Variants in LRRIQ1 observed in about 807,000 individuals in gnomAD.
The protein encoded by LRRIQ1 is leucine-rich repeat- and IQ domain-containing protein 1.
LRRIQ1 carries 210 observed loss-of-function variants against 211.9 expected under a neutral mutation model. That is an observed-to-expected ratio of 0.99 (90% CI 0.89 to 1.11). The LOEUF (loss-of-function observed/expected upper bound fraction) is 1.11. LRRIQ1 is among the 50% of genes most tolerant of loss of function. The probability of loss-of-function intolerance (pLI) is 0.00; values close to 1 mark genes in which losing one functional copy is unlikely to be tolerated. For synonymous variants in LRRIQ1, 699 were observed against 650.1 expected, an observed-to-expected ratio of 1.08 and a Z score of -1.14; for missense variants, 2,136 against 1,939.5, an observed-to-expected ratio of 1.10 and a Z score of -1.90.
At chr12:85,091,093 T>G (rs1050646693) in intron 11 of LRRIQ1, among the ~76,000 whole-genome samples, 1 of 152,160 alleles carries the variant, frequency 6.6e-6, no homozygotes, top group Non-Finnish European at 1.5e-5. Flanking sequence ...TTCTTTTTTT[T>G]ACCTTGTGAC....
At chr12:85,107,595 T>A (rs1295520490) in intron 15 of LRRIQ1, among the ~76,000 whole-genome samples, 1 of 152,114 alleles carries the variant, frequency 6.6e-6, no homozygotes, top group Non-Finnish European at 1.5e-5. Flanking sequence ...TATGGCCATT[T>A]TTTTTTCAGA....
chr12:85,272,528 T>G, the LRRIQ1 span, among the ~76,000 whole-genome samples: 1 of 152,002 alleles, frequency 6.6e-6, no homozygotes, highest in Non-Finnish European at 1.5e-5. Context: ...ATTTTAATAT[T>G]GCAAAAAGTG....
At chr12:85,245,732 G>C (rs1895687635), downstream of LRRIQ1, among the ~76,000 whole-genome samples, 2 of 150,636 alleles carry the variant, frequency 1.3e-5, no homozygotes, top group African/African-American at 4.9e-5. Context: ...TAGTATAAAA[G>C]ATATTTTGCT....
At chr12:85,248,852 T>C (rs913173630), downstream of LRRIQ1, among the ~76,000 whole-genome samples, 3 of 151,678 alleles carry the variant, frequency 2.0e-5, no homozygotes, top group African/African-American at 4.8e-5. Context: ...GAATGTATCA[T>C]TGTGGAATGT....
chr12:85,178,056 A>G (rs1453258942), intron 24 of LRRIQ1, among the ~76,000 whole-genome samples: 2 of 152,084 alleles, frequency 1.3e-5, no homozygotes, highest in Non-Finnish European at 2.9e-5. Flanking sequence ...TCAGTATATG[A>G]CAGCAATTAT....
chr12:85,195,076 A>G (rs1318269431), intron 24 of LRRIQ1, among the ~76,000 whole-genome samples: 2 of 152,206 alleles, frequency 1.3e-5, no homozygotes, highest in African/African-American at 4.8e-5. Flanking sequence ...AATCTAGAAG[A>G]AATGGAAAAA....
At chr12:85,172,877 G>A (rs1005830890) in intron 24 of LRRIQ1, among the ~76,000 whole-genome samples, 1 of 152,002 alleles carries the variant, frequency 6.6e-6, no homozygotes, top group African/African-American at 2.4e-5. Flanking sequence ...GTGAAGCTGA[G>A]GCGGGTGGAT....
At chr12:85,211,648 A>G (rs1193732800) in intron 24 of LRRIQ1, among the ~76,000 whole-genome samples, 1 of 152,190 alleles carries the variant, frequency 6.6e-6, no homozygotes, top group Non-Finnish European at 1.5e-5. Context: ...TACTGTATTC[A>G]AATGATTTCA....
chr12:85,053,830 C>T (rs930676160), intron 7 of LRRIQ1, among the ~76,000 whole-genome samples: 2 of 152,176 alleles, frequency 1.3e-5, no homozygotes, highest in African/African-American at 4.8e-5. Context: ...GCCTCAGCCT[C>T]CCGAGTAGCT....
At chr12:85,140,378 G>A (rs1044346431) in intron 19 of LRRIQ1, among the ~76,000 whole-genome samples, 31 of 140,116 alleles carry the variant, frequency 2.2e-4, no homozygotes, top group Admixed American at 2.1e-3. Flanking sequence ...TAGTGGTCTT[G>A]TACATTTTTA....
At chr12:85,043,017 T>G (rs1017357422) in intron 3 of LRRIQ1, among the ~76,000 whole-genome samples, 9 of 152,072 alleles carry the variant, frequency 5.9e-5, no homozygotes, top group African/African-American at 2.2e-4. Context: ...GGAGAGATGT[T>G]CTAAATATTT....
downstream of LRRIQ1, among the ~76,000 whole-genome samples, chr12:85,268,599 T>C (rs917208641): frequency 1.3e-5 from 2 of 151,928 alleles, no homozygotes; most frequent in Non-Finnish European, 2.9e-5. Context: ...CCCCTTAAAT[T>C]ATATGTCCTA....
At chr12:85,084,309 G>A (rs1175332101) in intron 11 of LRRIQ1, among the ~76,000 whole-genome samples, 1 of 152,052 alleles carries the variant, frequency 6.6e-6, no homozygotes, top group Non-Finnish European at 1.5e-5. Flanking sequence ...ATATATGAAG[G>A]AGACATAGCA....
At chr12:85,153,209 A>G in intron 21 of LRRIQ1, 64 bp downstream of exon 21, 3 of 1,362,988 alleles carry the variant, frequency 2.2e-6, no homozygotes, top group East Asian at 2.6e-5. Flanking sequence ...ATATCATACA[A>G]AAGTAGTACA....
chr12:85,126,986 G>A (rs1717302601), intron 17 of LRRIQ1, among the ~76,000 whole-genome samples: 1 of 152,106 alleles, frequency 6.6e-6, no homozygotes, highest in South Asian at 2.1e-4. Flanking sequence ...ATGGAGATAG[G>A]TCAAGAATTA....
At chr12:85,121,272 A>T (rs1369506808) in intron 15 of LRRIQ1, among the ~76,000 whole-genome samples, 1 of 152,210 alleles carries the variant, frequency 6.6e-6, no homozygotes, top group African/African-American at 2.4e-5. Flanking sequence ...TACTCTCAGT[A>T]TATTTTACTA....
At chr12:85,218,456 C>G (rs548220830) in intron 24 of LRRIQ1, among the ~76,000 whole-genome samples, 1 of 152,088 alleles carries the variant, frequency 6.6e-6, no homozygotes, top group East Asian at 1.9e-4. Context: ...GTTACGTACT[C>G]TGTGTTCATT....
intron 24 of LRRIQ1, among the ~76,000 whole-genome samples, chr12:85,184,161 C>G (rs904680114): frequency 6.6e-6 from 1 of 151,846 alleles, no homozygotes; most frequent in Non-Finnish European, 1.5e-5. Context: ...GAAGACAGTT[C>G]GACTGAAATT....
intron 4 of LRRIQ1, 48 bp from the exon 5 acceptor site, chr12:85,045,972 T>G (rs1337047205): frequency 9.4e-7 from 1 of 1,062,730 alleles, no homozygotes; most frequent in South Asian, 1.4e-5. Flanking sequence ...ACAGCTTTAC[T>G]CTCTATTTTG....
Sources: gnomAD v4.1 joint callset for allele counts (sites outside exome capture counted in the v4.1 genomes callset) on GRCh38, gnomAD v4.1.1 for gene constraint, MANE v1.5 for transcripts, NCBI Gene and HGNC (gene_info 2026-07-23, HGNC 2026-07-21) for gene names.